DKK2: variants seen among roughly 807,000 people sequenced by gnomAD.
DKK2 encodes dickkopf-related protein 2.
In DKK2, 11 loss-of-function variants were observed where a neutral mutation model predicts 28.1. The ratio of observed to expected loss-of-function variants is 0.39; its 90% CI spans 0.25 to 0.65. The LOEUF (loss-of-function observed/expected upper bound fraction) is 0.65, where lower values mean the gene tolerates loss of function less well. Among genes scored for constraint, DKK2 ranks in the 30% least tolerant of loss-of-function variants. DKK2 has a pLI of 0.47. For missense variants in DKK2, 326 were observed against 335.5 expected (o/e 0.97, Z 0.22); for synonymous variants, 135 against 126.5 (o/e 1.07, Z -0.45).
chr4:106,963,125 C>T (rs1722717543), intron 1 of DKK2, among the ~76,000 whole-genome samples: 1 of 151,606 alleles, frequency 6.6e-6, no homozygotes, highest in Non-Finnish European at 1.5e-5. Context: ...GAGGCTGAGG[C>T]GGGCGGATCA....
chr4:106,985,079 G>A (rs1384620697), intron 1 of DKK2, among the ~76,000 whole-genome samples: 4 of 151,906 alleles, frequency 2.6e-5, no homozygotes, highest in Non-Finnish European at 4.4e-5. Flanking sequence ...TGAGGTGGCG[G>A]GCGCCTGTAG....
At chr4:106,938,495 A>G (rs531571678) in intron 1 of DKK2, among the ~76,000 whole-genome samples, 167 of 152,344 alleles carry the variant, frequency 1.1e-3, no homozygotes, top group Non-Finnish European at 1.2e-3. Context: ...CCAACTAAAA[A>G]GAGTCCAGGA....
At chr4:106,930,438 T>C (rs1724485410) in intron 1 of DKK2, among the ~76,000 whole-genome samples, 1 of 152,084 alleles carries the variant, frequency 6.6e-6, no homozygotes, top group South Asian at 2.1e-4. Flanking sequence ...CTAAGAACAA[T>C]GAAAGGAGAA....
At chr4:106,962,763 C>T (rs1722710759) in intron 1 of DKK2, among the ~76,000 whole-genome samples, 1 of 151,820 alleles carries the variant, frequency 6.6e-6, no homozygotes, top group Admixed American at 6.6e-5. Flanking sequence ...AATGGGATCA[C>T]ATCAAACTAA....
At chr4:107,028,853 A>G (rs900402044) in intron 1 of DKK2, among the ~76,000 whole-genome samples, 2 of 152,248 alleles carry the variant, frequency 1.3e-5, no homozygotes, top group African/African-American at 4.8e-5. Flanking sequence ...TCTCTGTCAC[A>G]TAGCGACATT....
At chr4:106,943,331 C>G (rs1724729482) in intron 1 of DKK2, among the ~76,000 whole-genome samples, 1 of 151,974 alleles carries the variant, frequency 6.6e-6, no homozygotes, top group Non-Finnish European at 1.5e-5. Flanking sequence ...CACATTATAC[C>G]TGGAATAATT....
chr4:107,025,096 G>A (rs1463266739), intron 1 of DKK2, among the ~76,000 whole-genome samples: 1 of 152,160 alleles, frequency 6.6e-6, no homozygotes, highest in Admixed American at 6.5e-5. Context: ...CTAAGTCAGA[G>A]GTCCACGTGA....
intron 1 of DKK2, among the ~76,000 whole-genome samples, chr4:107,024,934 C>A (rs1723751113): frequency 6.6e-6 from 1 of 152,172 alleles, no homozygotes; most frequent in Non-Finnish European, 1.5e-5. Context: ...GTGCACAAGG[C>A]ATATACCCAG....
At chr4:106,970,783 C>T (rs1360403116) in intron 1 of DKK2, among the ~76,000 whole-genome samples, 2 of 152,022 alleles carry the variant, frequency 1.3e-5, no homozygotes, top group Non-Finnish European at 2.9e-5. Flanking sequence ...ACACTTAAAA[C>T]CCATATGGTT....
chr4:106,959,498 A>G (rs2110349815), intron 1 of DKK2, among the ~76,000 whole-genome samples: 1 of 152,060 alleles, frequency 6.6e-6, no homozygotes. Flanking sequence ...CTTCATGCCT[A>G]TTTTTTCAAA....
At chr4:107,029,675 T>C (rs1233190131) in intron 1 of DKK2, among the ~76,000 whole-genome samples, 2 of 152,312 alleles carry the variant, frequency 1.3e-5, no homozygotes, top group Admixed American at 6.5e-5. Context: ...GAAGATCTAA[T>C]GTCTCTTGGG....
intron 1 of DKK2, among the ~76,000 whole-genome samples, chr4:107,019,685 A>C (rs193032629): frequency 6.6e-6 from 1 of 152,022 alleles, no homozygotes; most frequent in Non-Finnish European, 1.5e-5. Flanking sequence ...AAGTTGGTCT[A>C]TTTATCCTAA....
intron 1 of DKK2, among the ~76,000 whole-genome samples, chr4:106,950,500 C>T (rs1352652337): frequency 6.9e-6 from 1 of 145,544 alleles, no homozygotes; most frequent in Non-Finnish European, 1.5e-5. Context: ...TTGCTGAAAA[C>T]TATCTACTGG....
chr4:106,938,828 A>T (rs1181844450), intron 1 of DKK2, among the ~76,000 whole-genome samples: 3 of 151,518 alleles, frequency 2.0e-5, no homozygotes, highest in African/African-American at 7.3e-5. Context: ...AATAAATGTA[A>T]TCCAGCATAT....
chr4:106,949,790 T>C (rs1724831595), intron 1 of DKK2, among the ~76,000 whole-genome samples: 1 of 152,212 alleles, frequency 6.6e-6, no homozygotes, highest in African/African-American at 2.4e-5. Flanking sequence ...AATCTATTTT[T>C]CTTTTGCATC....
intron 1 of DKK2, among the ~76,000 whole-genome samples, chr4:106,935,444 A>G (rs28689911): frequency 0.062 from 9,419 of 152,260 alleles, 320 homozygotes; most frequent in Non-Finnish European, 0.074. Flanking sequence ...ATTATATCCC[A>G]CACCTGGCTC....
At chr4:106,942,899 A>G (rs574343761) in intron 1 of DKK2, among the ~76,000 whole-genome samples, 132 of 152,196 alleles carry the variant, frequency 8.7e-4, no homozygotes, top group African/African-American at 3.1e-3. Context: ...CTACCCAGAA[A>G]CATGTCTATT....
At chr4:106,997,369 G>A (rs193141040) in intron 1 of DKK2, among the ~76,000 whole-genome samples, 40 of 151,716 alleles carry the variant, frequency 2.6e-4, no homozygotes, top group African/African-American at 8.7e-4. Flanking sequence ...TGGTTAAAAC[G>A]CTTCCATTAT....
intron 1 of DKK2, among the ~76,000 whole-genome samples, chr4:107,030,646 T>A (rs7677389): frequency 0.81 from 122,112 of 151,390 alleles, 49,867 homozygotes; most frequent in Non-Finnish European, 0.86. Flanking sequence ...GGTAGAAATT[T>A]GATTGTAATT....
Sources: allele counts gnomAD v4.1 joint callset (sites outside exome capture counted in the v4.1 genomes callset), GRCh38; gene constraint gnomAD v4.1.1; transcripts MANE v1.5; gene names NCBI Gene and HGNC (gene_info 2026-07-23, HGNC 2026-07-21).